The following SOX5 variants were observed in gnomAD, a reference collection of about 807,000 sequenced individuals.
SOX5 encodes the protein SRY-box transcription factor 5.
A neutral mutation model predicts 92.0 loss-of-function variants in SOX5; 9 were observed. The ratio of observed to expected loss-of-function variants is 0.10; its 90% CI spans 0.06 to 0.17. SOX5 has a LOEUF of 0.17. Ranked by LOEUF, SOX5 falls within the 10% of genes least tolerant of loss-of-function variation. The pLI is 1.00. For missense variants in SOX5, 642 were observed against 944.5 expected, an observed-to-expected ratio of 0.68 and a Z score of 4.20; for synonymous variants, 344 against 336.3, an observed-to-expected ratio of 1.02 and a Z score of -0.25.
chr12:23,891,924 T>C (rs576886187), intron 2 of SOX5, among the ~76,000 whole-genome samples: 13 of 152,250 alleles, frequency 8.5e-5, no homozygotes, highest in South Asian at 8.3e-4. Context: ...CTAAAATTGC[T>C]AGAAAATGAA....
chr12:23,597,223 G>A (rs2137291581), intron 9 of SOX5, among the ~76,000 whole-genome samples: 2 of 152,278 alleles, frequency 1.3e-5, no homozygotes, highest in Middle Eastern at 6.8e-3. Flanking sequence ...CACAGCCCAG[G>A]CTGGTAAAAT....
At chr12:23,816,627 T>C (rs2096000676) in intron 3 of SOX5, among the ~76,000 whole-genome samples, 1 of 152,090 alleles carries the variant, frequency 6.6e-6, no homozygotes, top group African/African-American at 2.4e-5. Flanking sequence ...GGTAAAGGCA[T>C]TGCAACCAGA....
chr12:23,792,027 A>G (rs1231395651), intron 3 of SOX5, among the ~76,000 whole-genome samples: 1 of 152,034 alleles, frequency 6.6e-6, no homozygotes, highest in Non-Finnish European at 1.5e-5. Flanking sequence ...TTTTAAAATC[A>G]AATTTATTAA....
At chr12:24,149,783 A>G (rs1021926723) in intron 4 of SOX5, among the ~76,000 whole-genome samples, 4 of 152,220 alleles carry the variant, frequency 2.6e-5, no homozygotes, top group Non-Finnish European at 5.9e-5. Context: ...TCAACAGATG[A>G]ATAAAACTGA....
chr12:23,739,985 C>A (rs181158754), intron 5 of SOX5, among the ~76,000 whole-genome samples: 182 of 152,190 alleles, frequency 1.2e-3, no homozygotes, highest in South Asian at 3.1e-3. Flanking sequence ...ATTGAGATAG[C>A]CTCAATAATT....
At chr12:23,979,314 C>T (rs749104272) in intron 4 of SOX5, among the ~76,000 whole-genome samples, 6 of 152,100 alleles carry the variant, frequency 3.9e-5, no homozygotes, top group Non-Finnish European at 7.4e-5. Context: ...ACCTCTGCTT[C>T]CCAGGTTCAA....
intron 2 of SOX5, among the ~76,000 whole-genome samples, chr12:24,304,637 C>G (rs1221108394): frequency 6.6e-6 from 1 of 152,148 alleles, no homozygotes. Context: ...CGTATTTTAG[C>G]TCAAATCACT....
At chr12:24,432,148 C>T (rs778198715) in intron 1 of SOX5, among the ~76,000 whole-genome samples, 4 of 152,120 alleles carry the variant, frequency 2.6e-5, no homozygotes, top group Non-Finnish European at 4.4e-5. Flanking sequence ...TCTAAATGTC[C>T]TTGGTGTATT....
intron 4 of SOX5, among the ~76,000 whole-genome samples, chr12:24,188,456 A>T (rs774520544): frequency 5.3e-5 from 8 of 152,198 alleles, no homozygotes; most frequent in Non-Finnish European, 1.2e-4. Flanking sequence ...AAATGTGAAA[A>T]AGAAGGCATT....
intron 4 of SOX5, among the ~76,000 whole-genome samples, chr12:24,138,063 A>G (rs12367235): frequency 0.17 from 26,483 of 152,224 alleles, 2,361 homozygotes; most frequent in Middle Eastern, 0.23. Flanking sequence ...CCTTAATAAG[A>G]AAAAGGTATC....
intron 4 of SOX5, among the ~76,000 whole-genome samples, chr12:23,956,697 G>A (rs1305736789): frequency 1.3e-5 from 2 of 149,858 alleles, no homozygotes; most frequent in African/African-American, 2.4e-5. Context: ...TTTTTTTTAA[G>A]GGGAGGGGGA....
chr12:23,964,942 C>G (rs1233139503), intron 4 of SOX5, among the ~76,000 whole-genome samples: 1 of 152,178 alleles, frequency 6.6e-6, no homozygotes, highest in Non-Finnish European at 1.5e-5. Context: ...ACTTGAAGAA[C>G]CAGCCAGTAG....
At chr12:24,400,994 C>T (rs962559934) in intron 1 of SOX5, among the ~76,000 whole-genome samples, 1 of 152,106 alleles carries the variant, frequency 6.6e-6, no homozygotes, top group Non-Finnish European at 1.5e-5. Context: ...GTGACAGAGA[C>T]ATTAACTTTG....
chr12:24,519,646 A>G (rs1165300104), intron 1 of SOX5, among the ~76,000 whole-genome samples: 1 of 152,216 alleles, frequency 6.6e-6, no homozygotes, highest in Non-Finnish European at 1.5e-5. Flanking sequence ...AAGAGAAGGT[A>G]TTAGGATATA....
chr12:23,988,753 T>G (rs1803684946), intron 4 of SOX5, among the ~76,000 whole-genome samples: 1 of 152,066 alleles, frequency 6.6e-6, no homozygotes, highest in South Asian at 2.1e-4. Context: ...TGGGTTTGGA[T>G]TCAAAAGGGA....
At chr12:23,700,972 A>C (rs7956369) in intron 6 of SOX5, among the ~76,000 whole-genome samples, 142,898 of 151,356 alleles carry the variant, frequency 0.94, 67,582 homozygotes, top group Non-Finnish European at 0.97. Flanking sequence ...TATATATACA[A>C]ACACACACAT....
At chr12:23,635,993 G>C (rs1237268329) in intron 8 of SOX5, among the ~76,000 whole-genome samples, 3 of 152,128 alleles carry the variant, frequency 2.0e-5, no homozygotes, top group Non-Finnish European at 2.9e-5. Flanking sequence ...TAAGACCAAA[G>C]AATAAGGAAG....
At chr12:23,559,070 C>A (rs1340388092) in intron 11 of SOX5, among the ~76,000 whole-genome samples, 2 of 152,116 alleles carry the variant, frequency 1.3e-5, no homozygotes, top group South Asian at 2.1e-4. Context: ...GCTGAGTGCA[C>A]TGGGCCTCTA....
intron 1 of SOX5, among the ~76,000 whole-genome samples, chr12:24,446,635 T>C (rs1444855031): frequency 6.6e-6 from 1 of 152,172 alleles, no homozygotes; most frequent in Non-Finnish European, 1.5e-5. Context: ...GGACTGACTC[T>C]ATAGTGCAAG....
Sources: gnomAD v4.1 joint callset for allele counts (sites outside exome capture counted in the v4.1 genomes callset) on GRCh38, gnomAD v4.1.1 for gene constraint, MANE v1.5 for transcripts, NCBI Gene and HGNC (gene_info 2026-07-23, HGNC 2026-07-21) for gene names.